The following CLSTN2 variants were observed in gnomAD, a reference collection of about 807,000 sequenced individuals.
The protein encoded by CLSTN2 is calsyntenin 2, also known as calsyntenin-2.
CLSTN2 carries 48 observed loss-of-function variants against 101.2 expected under a neutral mutation model. The observed-to-expected ratio is 0.47, with a 90% CI of 0.38 to 0.60. CLSTN2 has a LOEUF of 0.60. Ranked by LOEUF, CLSTN2 falls within the 20% of genes least tolerant of loss-of-function variation. The pLI is 0.00. For synonymous variants in CLSTN2, 481 were observed against 463.6 expected (o/e 1.04, Z -0.48); for missense variants, 1,160 against 1,238.2 (o/e 0.94, Z 0.95).
In CLSTN2 at chr3:140,121,295, T is replaced by A. The variant is rs1019809860; in HGVS notation, c.110-54656T>A. On this transcript the variant is annotated intron_variant, in intron 1 of 16. Transcript: ENST00000458420. ...GAGAGCTGGGGCCATAACACCCCAA[T>A]TTCCTCTCACGTGAAATGGGTATTG... Among the ~76,000 whole-genome samples, 2 of 152,122 alleles carry A rather than the reference T, an allele frequency of 1.3e-5. 1 individual carries two copies. Among genetic ancestry groups the A allele is most frequent in the South Asian group, 4.1e-4 (2 of 4,822 alleles).
At chr3:140,294,602 A>G (rs1258359709) in intron 2 of CLSTN2, among the ~76,000 whole-genome samples, 1 of 150,466 alleles carries the variant, frequency 6.6e-6, no homozygotes, top group Non-Finnish European at 1.5e-5. Context: ...CAGAAACTCC[A>G]TGAGCCTAGG....
chr3:140,236,841 GTGTGTGTGTGTGTGTGTGTGTGTA>G (rs903385374), intron 2 of CLSTN2, among the ~76,000 whole-genome samples: 1 of 100,658 alleles, frequency 9.9e-6, no homozygotes, highest in African/African-American at 3.6e-5. Context: ...GTGTGTGTGT[GTGTGTGTGTGTGTGTGTGTGTGTA>G]TATAAATTTC....
intron 1 of CLSTN2, among the ~76,000 whole-genome samples, chr3:139,955,111 G>T (rs867928619): frequency 1.0e-3 from 14 of 13,468 alleles, no homozygotes; most frequent in Admixed American, 3.6e-3. Context: ...TGGCAATATT[G>T]CTATATATAT....
chr3:139,942,646 G>A (rs1378868051), intron 1 of CLSTN2, among the ~76,000 whole-genome samples: 1 of 152,106 alleles, frequency 6.6e-6, no homozygotes, highest in Non-Finnish European at 1.5e-5. Context: ...CTCACGGCAG[G>A]ATTTTATATA....
At chr3:140,079,817 A>G (rs138110284) in intron 1 of CLSTN2, among the ~76,000 whole-genome samples, 2 of 152,214 alleles carry the variant, frequency 1.3e-5, no homozygotes, top group East Asian at 1.9e-4. Flanking sequence ...AAGAGTTTAC[A>G]TTTGTTTACT....
At position 140,477,943 on chromosome 3, in the gene CLSTN2, C is replaced by T. The variant is rs145187522; in HGVS notation, c.1344+11212C>T. Among the ~76,000 whole-genome samples the T allele has an allele frequency of 4.1e-3, 625 of 152,286 alleles. 5 individuals are homozygous for T. The highest frequency in any genetic ancestry group is 0.02 in the Middle Eastern group (6 of 294). Reference sequence around the variant, plus strand: ...AAGTCATTCCCACTATCTGACTAGCCAATTACCTTTCATCTTTCAAGACCA... The same window carrying T: ...AAGTCATTCCCACTATCTGACTAGCTAATTACCTTTCATCTTTCAAGACCA... On this transcript the variant is annotated intron_variant, in intron 8 of 16. Coordinates refer to ENST00000458420, the MANE Select transcript of CLSTN2 (RefSeq NM_022131.3).
chr3:140,038,836 T>C (rs936229582), intron 1 of CLSTN2, among the ~76,000 whole-genome samples: 1 of 152,194 alleles, frequency 6.6e-6, no homozygotes, highest in Admixed American at 6.6e-5. Flanking sequence ...CAAAGGACAA[T>C]GTATTAGGTC....
intron 4 of CLSTN2, among the ~76,000 whole-genome samples, chr3:140,420,898 A>G (rs944158985): frequency 1.1e-5 from 1 of 94,174 alleles, no homozygotes; most frequent in Non-Finnish European, 1.9e-5. Context: ...TGGCAGTCCT[A>G]TTGCGCAGCT....
intron 1 of CLSTN2, among the ~76,000 whole-genome samples, chr3:139,950,271 C>G (rs141277937): frequency 6.6e-6 from 1 of 152,250 alleles, no homozygotes; most frequent in African/African-American, 2.4e-5. Flanking sequence ...TCAACCAAAC[C>G]AAAATCCTGA....
intron 2 of CLSTN2, among the ~76,000 whole-genome samples, chr3:140,226,565 A>G (rs961948460): frequency 1.3e-5 from 2 of 152,196 alleles, no homozygotes; most frequent in Non-Finnish European, 2.9e-5. Context: ...TTTTCTCCAT[A>G]TTTGAAATTT....
At chr3:139,982,745 A>T (rs1036819905) in intron 1 of CLSTN2, among the ~76,000 whole-genome samples, 1 of 152,200 alleles carries the variant, frequency 6.6e-6, no homozygotes, top group Non-Finnish European at 1.5e-5. Context: ...AGTAATGTGC[A>T]TGTAACCTGA....
intron 1 of CLSTN2, among the ~76,000 whole-genome samples, chr3:139,938,954 T>A (rs1349537538): frequency 6.6e-6 from 1 of 152,066 alleles, no homozygotes; most frequent in African/African-American, 2.4e-5. Flanking sequence ...TTTTTTAATT[T>A]TTATTATTAT....
At chr3:140,338,590 G>A (rs1055658489) in intron 2 of CLSTN2, among the ~76,000 whole-genome samples, 2 of 152,190 alleles carry the variant, frequency 1.3e-5, no homozygotes, top group Non-Finnish European at 2.9e-5. Context: ...GTAGTGCTCA[G>A]TGAACGGTGC....
At chr3:140,082,573 C>T (rs1419652095) in intron 1 of CLSTN2, among the ~76,000 whole-genome samples, 1 of 152,186 alleles carries the variant, frequency 6.6e-6, no homozygotes. Flanking sequence ...TCTCTGACTA[C>T]AGTCTAATGC....
chr3:140,121,895 G>C (rs1036038353), intron 1 of CLSTN2, among the ~76,000 whole-genome samples: 1 of 152,136 alleles, frequency 6.6e-6, no homozygotes, highest in Non-Finnish European at 1.5e-5. Flanking sequence ...GCAAACACAG[G>C]CAGGATCTGG....
intron 1 of CLSTN2, among the ~76,000 whole-genome samples, chr3:140,141,318 C>T (rs2009693350): frequency 2.6e-5 from 4 of 152,134 alleles, no homozygotes; most frequent in Admixed American, 2.6e-4. Flanking sequence ...TGGTACAGTC[C>T]TGTTCTGCCT....
intron 8 of CLSTN2, among the ~76,000 whole-genome samples, chr3:140,505,373 C>A (rs945381327): frequency 1.1e-4 from 17 of 152,140 alleles, no homozygotes; most frequent in African/African-American, 3.4e-4. Flanking sequence ...GCACATTGTT[C>A]TTCTCTGCCA....
At chr3:140,209,570 G>A (rs1390686387) in intron 2 of CLSTN2, among the ~76,000 whole-genome samples, 1 of 152,150 alleles carries the variant, frequency 6.6e-6, no homozygotes. Context: ...GGGGTGCTGA[G>A]GGAAGCTGTG....
intron 1 of CLSTN2, among the ~76,000 whole-genome samples, chr3:140,126,368 A>C (rs2009429749): frequency 6.6e-6 from 1 of 152,038 alleles, no homozygotes; most frequent in South Asian, 2.1e-4. Context: ...AAAGGTGTGG[A>C]AGTGGCAGTG....
Sources: allele counts gnomAD v4.1 joint callset (sites outside exome capture counted in the v4.1 genomes callset), GRCh38; gene constraint gnomAD v4.1.1; transcripts MANE v1.5; gene names NCBI Gene and HGNC (gene_info 2026-07-23, HGNC 2026-07-21).